PLEKHG1: variants seen among roughly 807,000 people sequenced by gnomAD.
PLEKHG1 encodes pleckstrin homology domain-containing family G member 1.
Under a neutral mutation model 100.8 loss-of-function variants are expected in PLEKHG1, and 44 were observed. The observed-to-expected ratio is 0.44, with a 90% confidence interval of 0.34 to 0.56. The LOEUF is 0.56. Among genes scored for constraint, PLEKHG1 ranks in the 20% least tolerant of loss-of-function variants. PLEKHG1 has a pLI of 0.01. For missense variants in PLEKHG1, 1,545 were observed against 1,720.9 expected (o/e 0.90, Z 1.81); for synonymous variants, 640 against 662.5 (o/e 0.97, Z 0.52).
At chr6:150,715,709 T>C (rs113478090) in intron 3 of PLEKHG1, among the ~76,000 whole-genome samples, 3,663 of 150,774 alleles carry the variant, frequency 0.024, 67 homozygotes, top group South Asian at 0.054. Flanking sequence ...GGTCTCGAAC[T>C]CCTGACCTCA....
intron 2 of PLEKHG1, among the ~76,000 whole-genome samples, chr6:150,743,513 A>G (rs1451169677): frequency 1.3e-5 from 2 of 152,344 alleles, no homozygotes; most frequent in East Asian, 3.9e-4. Context: ...GCAACGGAGC[A>G]AGACTCCATC....
intron 5 of PLEKHG1, among the ~76,000 whole-genome samples, chr6:150,797,291 A>C (rs1243980737): frequency 6.6e-6 from 1 of 152,142 alleles, no homozygotes; most frequent in Admixed American, 6.5e-5. Context: ...CTGAGCCCTG[A>C]GTGTTACTTC....
At chr6:150,604,532 G>A (rs1479276068) in intron 1 of PLEKHG1, among the ~76,000 whole-genome samples, 2 of 152,180 alleles carry the variant, frequency 1.3e-5, no homozygotes, top group African/African-American at 4.8e-5. Context: ...ATAGTTTGCT[G>A]GCTCTGTTTT....
chr6:150,804,574 G>GAAAA, intron 6 of PLEKHG1, 36 bp from the exon 8 acceptor site: 2 of 1,152,844 alleles, frequency 1.7e-6, no homozygotes, highest in Non-Finnish European at 2.4e-6. Flanking sequence ...AAAATAAAAT[G>GAAAA]AAAAAAAAAA....
intron 3 of PLEKHG1, among the ~76,000 whole-genome samples, chr6:150,691,003 C>T (rs897587138): frequency 1.5e-4 from 23 of 152,204 alleles, no homozygotes; most frequent in African/African-American, 5.3e-4. Flanking sequence ...CCAGTTAGAT[C>T]TCCATGGCCT....
chr6:150,617,492 A>G (rs1259249548), intron 1 of PLEKHG1, among the ~76,000 whole-genome samples: 1 of 152,224 alleles, frequency 6.6e-6, no homozygotes, highest in Non-Finnish European at 1.5e-5. Flanking sequence ...AAATGTTTTT[A>G]ATGACCTCAA....
At chr6:150,667,425 A>G (rs1043628260) in intron 3 of PLEKHG1, among the ~76,000 whole-genome samples, 1 of 152,186 alleles carries the variant, frequency 6.6e-6, no homozygotes, top group Non-Finnish European at 1.5e-5. Flanking sequence ...TATGTACTAA[A>G]CAGCATTATG....
chr6:150,601,902 A>G (rs62432652), intron 1 of PLEKHG1, among the ~76,000 whole-genome samples: 1,862 of 152,276 alleles, frequency 0.012, 17 homozygotes, highest in Non-Finnish European at 0.021. Flanking sequence ...GCTTCCTTCA[A>G]TGCCTTTAAT....
intron 3 of PLEKHG1, among the ~76,000 whole-genome samples, chr6:150,675,816 A>G (rs1276997833): frequency 1.3e-5 from 2 of 152,366 alleles, no homozygotes; most frequent in South Asian, 4.1e-4. Context: ...AGTGGGGGGA[A>G]AAGCATGAGG....
chr6:150,840,570 G>GATGACT, exon 16 of PLEKHG1: 1 of 1,614,204 alleles, frequency 6.2e-7, no homozygotes, highest in Non-Finnish European at 8.5e-7. Flanking sequence ...TGGAGATGAA[G>GATGACT]ATGACTATGT....
In PLEKHG1 at chr6:150,611,703, T is replaced by C. The variant is rs559507113; in HGVS notation, c.-204+11686T>C. Among the ~76,000 whole-genome samples, 4 of 151,812 alleles carry C rather than the reference T, an allele frequency of 2.6e-5. No homozygotes were observed. In the East Asian group the frequency reaches 7.8e-4, roughly 29 times the overall value. On this transcript the variant is annotated intron_variant, in intron 1 of 3. Coordinates refer to the PLEKHG1 transcript ENST00000367326. ...GGTGGGTGCCTGTAGTCCCAGCTAC[T>C]TGGGAGGCTAAGGCAGGAGAGTCGC... is the stretch of plus-strand genomic sequence containing the variant.
intron 1 of PLEKHG1, among the ~76,000 whole-genome samples, chr6:150,616,002 AC>A (rs2128555134): frequency 1.3e-5 from 2 of 152,308 alleles, no homozygotes; most frequent in East Asian, 3.9e-4. Flanking sequence ...AGATGAGGAA[AC>A]TGAGGCAAGC....
chr6:150,775,621 A>C (rs1341887976), intron 3 of PLEKHG1, among the ~76,000 whole-genome samples: 1 of 152,216 alleles, frequency 6.6e-6, no homozygotes, highest in Non-Finnish European at 1.5e-5. Context: ...AGGAATGTGC[A>C]ATTAATTTTG....
chr6:150,662,818 G>A lies in PLEKHG1; in HGVS notation c.-99+12032G>A, dbSNP rs576118573. 4 of 152,262 alleles carry A rather than the reference G, an allele frequency of 2.6e-5. No homozygotes were observed. The East Asian group carries it at 7.7e-4, about 29-fold the overall frequency. 9.4% of individuals were successfully genotyped at this position (152,262 alleles called of 1,614,324 possible). ...GGTTCAAAGCTTTTTCCTCTGAAAC[G>A]CAATGAACTGTTCTACCACTTCCTA... On this transcript the variant is annotated intron_variant, in intron 3 of 3. Transcript: ENST00000367326.
intron 3 of PLEKHG1, among the ~76,000 whole-genome samples, chr6:150,698,854 G>T (rs1780654031): frequency 6.6e-6 from 1 of 152,162 alleles, no homozygotes; most frequent in Non-Finnish European, 1.5e-5. Flanking sequence ...AGGTTGATTT[G>T]ATTATAATTG....
At position 150,612,082 on chromosome 6, in the gene PLEKHG1, G is replaced by GCAC. The variant is rs554005809; in HGVS notation, c.-204+12069_-204+12071dup. 4.4e-3 allele frequency among the ~76,000 whole-genome samples: 531 copies of GCAC among 120,524 alleles called. 2 individuals carry two copies. Among genetic ancestry groups the GCAC allele is most frequent in the Middle Eastern group, 7.9e-3 (1 of 126 alleles). 79.1% of individuals were successfully genotyped at this position (120,524 alleles called of 152,430 possible). A position where few individuals can be genotyped will look rare whatever the true frequency, so the allele number is the denominator to read the frequency against. The stretch of plus-strand genomic sequence containing the variant: ...CCCCTTTTCTAGTTCTTAGTTAATA[G>GCAC]CACCACAATTCAGTGGTCACAGCAA... On this transcript the variant is annotated intron_variant, in intron 1 of 3. Coordinates refer to the PLEKHG1 transcript ENST00000367326.
chr6:150,808,023 G>A (rs1787245356), intron 7 of PLEKHG1, among the ~76,000 whole-genome samples: 1 of 152,114 alleles, frequency 6.6e-6, no homozygotes, highest in Non-Finnish European at 1.5e-5. Context: ...AGCACAACAG[G>A]AGGATTACAG....
intron 2 of PLEKHG1, among the ~76,000 whole-genome samples, chr6:150,766,124 ACAT>A (rs1784442934): frequency 6.6e-6 from 1 of 152,212 alleles, no homozygotes; most frequent in Non-Finnish European, 1.5e-5. Flanking sequence ...AAATCACAGA[ACAT>A]CATTCAAATG....
exon 16 of PLEKHG1, chr6:150,840,479 A>G: frequency 2.5e-6 from 4 of 1,614,218 alleles, no homozygotes; most frequent in Non-Finnish European, 3.4e-6. Flanking sequence ...ACTCACAGAA[A>G]GTTGTGGTGG....
Sources: allele counts gnomAD v4.1 joint callset (sites outside exome capture counted in the v4.1 genomes callset), GRCh38; gene constraint gnomAD v4.1.1; transcripts MANE v1.5; gene names NCBI Gene and HGNC (gene_info 2026-07-23, HGNC 2026-07-21).